ROBO1: variants seen among roughly 807,000 people sequenced by gnomAD.
The protein encoded by ROBO1 is roundabout guidance receptor 1, also known as roundabout homolog 1.
A neutral mutation model predicts 195.9 loss-of-function variants in ROBO1; 149 were observed. The observed-to-expected ratio is 0.76, with a 90% CI of 0.67 to 0.87. ROBO1 has a LOEUF of 0.87. Among genes scored for constraint, ROBO1 ranks in the 40% least tolerant of loss-of-function variants. The pLI, the probability that ROBO1 is intolerant of heterozygous loss-of-function variation, is 0.00. For missense variants in ROBO1, 1,933 were observed against 2,068.3 expected, an observed-to-expected ratio of 0.93 and a Z score of 1.27; for synonymous variants, 816 against 733.2, an observed-to-expected ratio of 1.11 and a Z score of -1.82.
intron 17 of ROBO1, among the ~76,000 whole-genome samples, chr3:78,658,712 T>G (rs1707194555): frequency 6.6e-6 from 1 of 152,244 alleles, no homozygotes; most frequent in Non-Finnish European, 1.5e-5. Flanking sequence ...ATCATTTATC[T>G]TTTTATATTT....
At chr3:79,336,734 T>A (rs1477444781) in intron 2 of ROBO1, among the ~76,000 whole-genome samples, 1 of 152,090 alleles carries the variant, frequency 6.6e-6, no homozygotes, top group East Asian at 1.9e-4. Context: ...CCAAGAATGG[T>A]AGATACATTG....
intron 2 of ROBO1, among the ~76,000 whole-genome samples, chr3:79,342,754 T>A (rs1418608449): frequency 3.9e-5 from 6 of 152,126 alleles, no homozygotes; most frequent in African/African-American, 1.4e-4. Context: ...ATAGAGTTGA[T>A]GTTTTAGAAC....
intron 3 of ROBO1, among the ~76,000 whole-genome samples, chr3:78,950,008 A>G (rs1346935867): frequency 3.3e-5 from 5 of 152,146 alleles, no homozygotes; most frequent in African/African-American, 1.2e-4. Context: ...AAGTCAGGAA[A>G]CAACAGGTGC....
rs1237855198 is a variant in ROBO1 at position 78,980,718 on chromosome 3, C to G, written c.173-41791G>C. On this transcript the variant is annotated intron_variant, in intron 3 of 30. Coordinates refer to ENST00000464233, the MANE Select transcript of ROBO1 (RefSeq NM_002941.4). The stretch of plus-strand genomic sequence containing the variant: ...TTCCATCTTATGTGGAACTTAGTTT[C>G]CTAGGTCTTTTTTCCCCCTTGCTTT... Among the ~76,000 whole-genome samples the G allele has an allele frequency of 2.0e-5, 3 of 152,060 alleles. No individual in the cohort carries two copies. In the East Asian group the frequency reaches 5.8e-4, roughly 29 times the overall value.
rs749520016 is a variant in ROBO1 at position 79,009,107 on chromosome 3, ATT to A, written c.173-70182_173-70181del. Among the ~76,000 whole-genome samples, 669 of 115,360 alleles carry A rather than the reference ATT, an allele frequency of 5.8e-3. 2 individuals are homozygous for A. The highest frequency in any genetic ancestry group is 0.022 in the African/African-American group (619 of 28,176). 75.7% of individuals were successfully genotyped at this position (115,360 alleles called of 152,430 possible). A position where few individuals can be genotyped will look rare whatever the true frequency, so the allele number is the denominator to read the frequency against. On this transcript the variant is annotated intron_variant, in intron 3 of 30. Coordinates refer to ENST00000464233, the MANE Select transcript of ROBO1 (RefSeq NM_002941.4). ...AGGTGCCCACCACAACGCCCAGCTA[ATT>A]TTTTTTTTTTTTTTTTTTTTTTTTA... is the stretch of plus-strand genomic sequence containing the variant.
intron 14 of ROBO1, among the ~76,000 whole-genome samples, chr3:78,666,350 G>C (rs1257398809): frequency 1.3e-5 from 2 of 152,178 alleles, no homozygotes; most frequent in Non-Finnish European, 2.9e-5. Context: ...CTAAATGAAT[G>C]TTCAGACAGA....
chr3:79,755,361 C>G lies in ROBO1; in HGVS notation c.-51+12391G>C, dbSNP rs545422768. Among the ~76,000 whole-genome samples the G allele has an allele frequency of 3.9e-5, 6 of 152,180 alleles. No homozygotes were observed. The East Asian group carries it at 1.2e-3, about 29-fold the overall frequency. On this transcript the variant is annotated intron_variant, in intron 1 of 30. Coordinates refer to ENST00000464233, the MANE Select transcript of ROBO1 (RefSeq NM_002941.4). ...TCCATGGAAACCCATCTACAAGCAA[C>G]AGCATCAAGCAAAAGAGTACAACCA...
intron 4 of ROBO1, among the ~76,000 whole-genome samples, chr3:78,885,702 T>C (rs372923612): frequency 1.5e-3 from 222 of 151,182 alleles, no homozygotes; most frequent in Middle Eastern, 3.4e-3. Flanking sequence ...TATTAGTAAA[T>C]GTGACACAGA....
At position 79,118,671 on chromosome 3, in the gene ROBO1, C is replaced by A. The variant is rs148296528; in HGVS notation, c.172+6785G>T. 2.3e-3 allele frequency among the ~76,000 whole-genome samples: 348 copies of A among 152,012 alleles called. 4 individuals carry two copies. The highest frequency in any genetic ancestry group is 8.0e-3 in the African/African-American group (333 of 41,474). On this transcript the variant is annotated intron_variant, in intron 3 of 30. Coordinates refer to ENST00000464233, the MANE Select transcript of ROBO1 (RefSeq NM_002941.4). Reference sequence around the variant, plus strand: ...GATCATGAGGTCAGGAGATGGAGACCATACTGGCCAACATGGTGAAACTCC... The same window carrying A: ...GATCATGAGGTCAGGAGATGGAGACAATACTGGCCAACATGGTGAAACTCC...
At chr3:79,224,729 T>C (rs1249579810) in intron 2 of ROBO1, among the ~76,000 whole-genome samples, 1 of 152,240 alleles carries the variant, frequency 6.6e-6, no homozygotes, top group African/African-American at 2.4e-5. Flanking sequence ...TTAATTTACA[T>C]GTGTATGAAC....
At chr3:78,875,279 T>A (rs895543716) in intron 4 of ROBO1, among the ~76,000 whole-genome samples, 1 of 151,978 alleles carries the variant, frequency 6.6e-6, no homozygotes, top group Non-Finnish European at 1.5e-5. Flanking sequence ...CTAACATAAA[T>A]CATGACACCC....
At chr3:78,631,449 C>T in intron 24 of ROBO1, 144 bp from the exon 25 acceptor site, 3 of 978,626 alleles carry the variant, frequency 3.1e-6, no homozygotes, top group Non-Finnish European at 4.3e-6. Context: ...TAATTTTAAA[C>T]AGAACTTTGT....
At chr3:78,911,335 T>C (rs926732102) in intron 4 of ROBO1, among the ~76,000 whole-genome samples, 2 of 152,054 alleles carry the variant, frequency 1.3e-5, no homozygotes, top group African/African-American at 4.8e-5. Context: ...TTTATGGAAG[T>C]AATGTATGGA....
intron 8 of ROBO1, among the ~76,000 whole-genome samples, chr3:78,704,205 T>C (rs2081492163): frequency 6.6e-6 from 1 of 152,168 alleles, no homozygotes; most frequent in South Asian, 2.1e-4. Flanking sequence ...TGCCAGATTT[T>C]CTCAAATCAG....
At chr3:79,551,303 C>A (rs1942502202) in intron 2 of ROBO1, among the ~76,000 whole-genome samples, 1 of 151,802 alleles carries the variant, frequency 6.6e-6, no homozygotes, top group African/African-American at 2.4e-5. Context: ...CGTCATTTAG[C>A]ATTAGGTATA....
At chr3:78,664,316 C>T (rs1490875344) in intron 14 of ROBO1, among the ~76,000 whole-genome samples, 1 of 152,154 alleles carries the variant, frequency 6.6e-6, no homozygotes, top group African/African-American at 2.4e-5. Flanking sequence ...GGAGCCTATC[C>T]AGGCCCCACT....
At chr3:78,704,595 T>TACAC (rs34616317) in intron 8 of ROBO1, among the ~76,000 whole-genome samples, 4 of 141,082 alleles carry the variant, frequency 2.8e-5, no homozygotes, top group Non-Finnish European at 4.5e-5. Flanking sequence ...AACACACACA[T>TACAC]ACACACACAC....
intron 4 of ROBO1, among the ~76,000 whole-genome samples, chr3:78,917,176 A>T (rs1428338501): frequency 7.3e-6 from 1 of 137,884 alleles, no homozygotes; most frequent in Non-Finnish European, 1.5e-5. Context: ...GGCTCATTGC[A>T]ACCTCTGCCT....
At chr3:79,381,779 A>G (rs2036583557) in intron 2 of ROBO1, among the ~76,000 whole-genome samples, 1 of 152,202 alleles carries the variant, frequency 6.6e-6, no homozygotes, top group African/African-American at 2.4e-5. Flanking sequence ...AAAATGCTAT[A>G]TATTAATATG....
Sources: allele counts gnomAD v4.1 joint callset (sites outside exome capture counted in the v4.1 genomes callset), GRCh38; gene constraint gnomAD v4.1.1; transcripts MANE v1.5; gene names NCBI Gene and HGNC (gene_info 2026-07-23, HGNC 2026-07-21).